ITIH1: variants seen among roughly 807,000 people sequenced by gnomAD.
ITIH1 encodes the protein inter-alpha-trypsin inhibitor heavy chain H1.
A neutral mutation model predicts 104.6 loss-of-function variants in ITIH1; 94 were observed. The observed-to-expected ratio is 0.90, with a 90% CI of 0.76 to 1.07. ITIH1 has a LOEUF of 1.07. ITIH1 is among the 50% of genes least tolerant of loss of function. ITIH1 has a pLI of 0.00. For synonymous variants in ITIH1, 455 were observed against 464.4 expected, an observed-to-expected ratio of 0.98 and a Z score of 0.26; for missense variants, 1,193 against 1,181.4, an observed-to-expected ratio of 1.01 and a Z score of -0.14.
Position 52,785,214 on chromosome 3 carries a change from T to C in ITIH1, c.1578T>C (p.Asp526=). 2.5e-6 allele frequency: 4 copies of C among 1,614,068 alleles called. No homozygotes were observed. Among genetic ancestry groups the C allele is most frequent in the Non-Finnish European group, 3.4e-6 (4 of 1,179,962 alleles). Residue 526 remains aspartate, a synonymous_variant, in exon 12 of 22, where the codon GAT becomes GAC. Coordinates refer to ENST00000273283, the MANE Select transcript of ITIH1 (RefSeq NM_002215.4). ...ACAAACAGAGCAGCTTCAAGGCTGA[T>C]GTGCAGGCCCATGGGGTAAATGGTG... The part of the protein sequence containing the change: ...ADNKQSSFKA[D]VQAHGEGQEF...
intron 18 of ITIH1, among the ~76,000 whole-genome samples, chr3:52,788,562 C>CT (rs375504966): frequency 0.025 from 3,556 of 139,586 alleles, 109 homozygotes; most frequent in South Asian, 0.072. Flanking sequence ...CACACAGGGG[C>CT]TTTTTTTTTT....
chr3:52,781,203 TTTTTTTTC>T lies in ITIH1; in HGVS notation c.688-734_688-727del, dbSNP rs1440998979. ...TCCTTCACCTCCTCCTCTTCTTTTT[TTTTTTTTC>T]TTCTTCTTCTTCTTCTTCTTCTTCT... On this transcript the variant is annotated intron_variant, in intron 6 of 21. Coordinates refer to ENST00000273283, the MANE Select transcript of ITIH1 (RefSeq NM_002215.4). Among the ~76,000 whole-genome samples, 48 of 122,740 alleles carry T rather than the reference TTTTTTTTC, an allele frequency of 3.9e-4. 1 individual carries two copies. The highest frequency in any genetic ancestry group is 1.6e-3 in the African/African-American group (43 of 27,440). The allele number at this position is 122,740 out of a possible 152,430, so 80.5% of individuals were successfully genotyped here.
At position 52,779,892 on chromosome 3, in the gene ITIH1, T is replaced by C; in HGVS notation, c.573+298T>C. On this transcript the variant is annotated intron_variant, in intron 5 of 21. Coordinates refer to ENST00000273283, the MANE Select transcript of ITIH1 (RefSeq NM_002215.4). The surrounding 1 kb of genome is among the most constrained non-coding windows in gnomAD (Gnocchi z 4.4). ...TGAATGTCCAGGTAATTTTGTAAACTAGAAAGTCCCGCGCAGCCTGAGGGC... is the reference window on the plus strand; with the variant it reads ...TGAATGTCCAGGTAATTTTGTAAACCAGAAAGTCCCGCGCAGCCTGAGGGC... 4 of 1,385,120 alleles carry C rather than the reference T, an allele frequency of 2.9e-6. No homozygotes were observed. Among genetic ancestry groups the C allele is most frequent in the South Asian group, 3.1e-5 (2 of 64,852 alleles). The allele number at this position is 1,385,120 out of a possible 1,614,324, so 85.8% of individuals were successfully genotyped here. A position where few individuals can be genotyped will look rare whatever the true frequency, so the allele number is the denominator to read the frequency against.
At chr3:52,791,395 C>G (rs1280717918) in intron 20 of ITIH1, 122 bp from the exon 21 acceptor site, 1 of 683,822 alleles carries the variant, frequency 1.5e-6, no homozygotes, top group African/African-American at 1.8e-5. Flanking sequence ...TTAGCAGAAA[C>G]AGTCAAGCCC....
In ITIH1 at chr3:52,791,850, A is replaced by G; in HGVS notation, c.2675A>G (p.Asn892Ser). 1 of 1,614,164 alleles carries G rather than the reference A, an allele frequency of 6.2e-7. No individual in the cohort carries two copies. The highest frequency in any genetic ancestry group is 8.5e-7 in the Non-Finnish European group (1 of 1,180,010). The change falls in exon 22 of 22, where the codon AAC (asparagine) becomes AGC (serine). Residue 892 changes from asparagine to serine, a missense_variant. By Grantham distance (46) the Asn-to-Ser change is conservative. Transcript: ENST00000273283. Reference protein sequence around the residue: ...GAEVSCWFIHNNGAGLIDGAY... With the variant: ...GAEVSCWFIHSNGAGLIDGAY... The stretch of plus-strand genomic sequence containing the variant: ...GAGGTGTCCTGCTGGTTCATTCACA[A>G]CAATGGGGCTGGACTCATCGATGGT...
At chr3:52,786,022 C>T (rs141652096) in intron 12 of ITIH1, among the ~76,000 whole-genome samples, 8 of 152,250 alleles carry the variant, frequency 5.3e-5, no homozygotes, top group East Asian at 1.9e-4. Flanking sequence ...TGGAAACAGC[C>T]GGGTGCTTAT....
intron 3 of ITIH1, 109 bp downstream of exon 3, chr3:52,778,615 T>C (rs753137100): frequency 4.2e-5 from 64 of 1,539,214 alleles, no homozygotes; most frequent in Non-Finnish European, 5.1e-5. Context: ...CTCCTCATTC[T>C]AGAAGGGCCA....
intron 11 of ITIH1, 90 bp downstream of exon 11, chr3:52,784,567 A>C: frequency 7.8e-7 from 1 of 1,280,880 alleles, no homozygotes; most frequent in Middle Eastern, 2.1e-4. Context: ...AGAGGAGCAG[A>C]TAAAGCTCTG....
In ITIH1 at chr3:52,782,248, G is replaced by C. The variant is rs1257996293; in HGVS notation, c.911G>C (p.Arg304Thr). The stretch of plus-strand genomic sequence containing the variant: ...GTGATTGACATCAGTGGCTCCATGA[G>C]AGGCCAGAAAGTGAAGCAGGTAGGC... ...VFVIDISGSM[R>T]GQKVKQTKEA... Residue 304 changes from arginine (R) to threonine (T), a missense_variant, in exon 8 of 22, where the codon AGA becomes ACA. Transcript: ENST00000273283. 3 of 1,613,954 alleles carry C rather than the reference G, an allele frequency of 1.9e-6. No homozygotes were observed. The highest frequency in any genetic ancestry group is 1.7e-5 in the Admixed American group (1 of 60,014).
chr3:52,788,830 G>C (rs1379634144), intron 18 of ITIH1, among the ~76,000 whole-genome samples: 1 of 152,156 alleles, frequency 6.6e-6, no homozygotes, highest in Non-Finnish European at 1.5e-5. Context: ...CAAAGTGCTG[G>C]GATTACAGGT....
At chr3:52,787,784 G>T in intron 16 of ITIH1, 172 bp downstream of exon 16, 1 of 916,076 alleles carries the variant, frequency 1.1e-6, no homozygotes, top group South Asian at 1.4e-5. Flanking sequence ...AGGAGACAGA[G>T]AGGGGGCCAG....
At chr3:52,784,275 A>C in intron 10 of ITIH1, 21 bp from the exon 11 acceptor site, 1 of 1,606,742 alleles carries the variant, frequency 6.2e-7, no homozygotes, top group Non-Finnish European at 8.5e-7. Flanking sequence ...TCCCGTCACT[A>C]CCCAGGTGTG....
At chr3:52,778,089 G>T in intron 2 of ITIH1, 72 bp downstream of exon 2, 1 of 1,548,398 alleles carries the variant, frequency 6.5e-7, no homozygotes, top group Non-Finnish European at 8.9e-7. Context: ...CAACCTGTCA[G>T]GGGTGGACCC....
intron 10 of ITIH1, among the ~76,000 whole-genome samples, 158 bp from the exon 11 acceptor site, chr3:52,784,138 A>T (rs982444232): frequency 1.4e-4 from 21 of 152,048 alleles, no homozygotes; most frequent in African/African-American, 4.8e-4. Context: ...GCAGTCTCCC[A>T]GGAGAGCCAG....
chr3:52,783,254 C>T lies in ITIH1; in HGVS notation c.1140C>T (p.Ile380=). 6.2e-7 allele frequency: 1 copy of T among 1,614,158 alleles called. No homozygotes were observed. Among genetic ancestry groups the T allele is most frequent in the Non-Finnish European group, 8.5e-7 (1 of 1,180,028 alleles). The change falls in exon 10 of 22, where the codon ATC becomes ATT. Residue 380 remains isoleucine (I), a synonymous_variant. Transcript: ENST00000273283. ...GAGGTTTGCTCCGGGGAATTGAGAT[C>T]TTGAACCAAGTTCAGGAAAGCCTCC... is the stretch of plus-strand genomic sequence containing the variant. The part of the protein sequence containing the change: ...LNGGLLRGIE[I]LNQVQESLPE...
At chr3:52,790,383 T>C (rs1167694870) in intron 19 of ITIH1, 1 of 277,932 alleles carries the variant, frequency 3.6e-6, no homozygotes, top group East Asian at 1.1e-4. Flanking sequence ...AGGTGATGAG[T>C]GGGAGTCACA....
Position 52,791,896 on chromosome 3 carries a change from C to G in ITIH1, c.2721C>G (p.Val907=). 1 of 1,612,846 alleles carries G rather than the reference C, an allele frequency of 6.2e-7. No individual in the cohort carries two copies. The highest frequency in any genetic ancestry group is 8.5e-7 in the Non-Finnish European group (1 of 1,179,266). The stretch of plus-strand genomic sequence containing the variant: ...ATGGTGCCTACACTGATTATATCGT[C>G]CCCGACATCTTCTGAGCCCTCTGGC... ...LIDGAYTDYI[V]PDIF The change falls in exon 22 of 22, where the codon GTC becomes GTG. Residue 907 remains valine, a synonymous_variant. Transcript: ENST00000273283.
In ITIH1 at chr3:52,781,208, T is replaced by TTCTTCTTCTTC. The variant is rs71878578; in HGVS notation, c.688-731_688-730insCTTCTTCTTCT. ...CACCTCCTCCTCTTCTTTTTTTTTTTTTCTTCTTCTTCTTCTTCTTCTTCT... is the reference window on the plus strand; with the variant it reads ...CACCTCCTCCTCTTCTTTTTTTTTTTTCTTCTTCTTCTTCTTCTTCTTCTTCTTCTTCTTCT... On this transcript the variant is annotated intron_variant, in intron 6 of 21. Coordinates refer to ENST00000273283, the MANE Select transcript of ITIH1 (RefSeq NM_002215.4). Among the ~76,000 whole-genome samples, 4 of 49,992 alleles carry TTCTTCTTCTTC rather than the reference T, an allele frequency of 8.0e-5. No homozygotes were observed. The East Asian group carries it at 1.8e-3, about 22-fold the overall frequency. 32.8% of individuals were successfully genotyped at this position (49,992 alleles called of 152,430 possible).
chr3:52,781,246 T>G (rs1699042057), intron 6 of ITIH1, among the ~76,000 whole-genome samples: 1 of 113,310 alleles, frequency 8.8e-6, no homozygotes, highest in Non-Finnish European at 1.9e-5. Flanking sequence ...TTCTTCTTCT[T>G]CTTCTTCTTC....
Sources: allele counts gnomAD v4.1 joint callset (sites outside exome capture counted in the v4.1 genomes callset), GRCh38; gene constraint gnomAD v4.1.1; non-coding constraint Gnocchi (gnomAD v3.1); transcripts MANE v1.5; gene names NCBI Gene and HGNC (gene_info 2026-07-23, HGNC 2026-07-21).